Variants in KCTD5 observed in about 807,000 individuals in gnomAD.
The protein encoded by KCTD5 is BTB/POZ domain-containing protein KCTD5.
KCTD5 carries 12 observed loss-of-function variants against 27.9 expected under a neutral mutation model. The ratio of observed to expected loss-of-function variants is 0.43; its 90% CI spans 0.28 to 0.70. The LOEUF is 0.70. Among genes scored for constraint, KCTD5 ranks in the 30% least tolerant of loss-of-function variants. The probability of loss-of-function intolerance (pLI) is 0.19; values close to 1 mark genes in which losing one functional copy is unlikely to be tolerated. For missense variants in KCTD5, 226 were observed against 274.8 expected, an observed-to-expected ratio of 0.82 and a Z score of 1.26; for synonymous variants, 147 against 121.4, an observed-to-expected ratio of 1.21 and a Z score of -1.39.
In KCTD5 at chr16:2,690,065, G is replaced by C. The variant is rs1343984996; in HGVS notation, c.253-5870G>C. Among the ~76,000 whole-genome samples the C allele has an allele frequency of 3.3e-5, 5 of 152,256 alleles. No homozygotes were observed. The South Asian group carries it at 8.3e-4, about 25-fold the overall frequency. On this transcript the variant is annotated intron_variant, in intron 1 of 5. Transcript: ENST00000301738. ...CCCACGTTGCCCCCGGTGCTTTGCTGGGTGACAGCATGGATGGCGGAGAGC... is the reference window on the plus strand; with the variant it reads ...CCCACGTTGCCCCCGGTGCTTTGCTCGGTGACAGCATGGATGGCGGAGAGC...
At chr16:2,693,198 C>G (rs1454868299) in intron 1 of KCTD5, among the ~76,000 whole-genome samples, 1 of 152,252 alleles carries the variant, frequency 6.6e-6, no homozygotes, top group Non-Finnish European at 1.5e-5. Flanking sequence ...CTCCACCCAA[C>G]CATGCTGCTC....
chr16:2,691,778 T>A (rs1330291194), intron 1 of KCTD5, among the ~76,000 whole-genome samples: 1 of 152,172 alleles, frequency 6.6e-6, no homozygotes, highest in Non-Finnish European at 1.5e-5. Context: ...GCATCTGGAC[T>A]CCTGGAAGTC....
chr16:2,700,210 G>A (rs1447212599), intron 4 of KCTD5, among the ~76,000 whole-genome samples: 1 of 152,188 alleles, frequency 6.6e-6, no homozygotes, highest in Non-Finnish European at 1.5e-5. Context: ...TCTGTGTGAG[G>A]GAGGGGACTG....
intron 5 of KCTD5, among the ~76,000 whole-genome samples, chr16:2,706,928 C>T (rs2067639386): frequency 2.0e-5 from 3 of 150,240 alleles, no homozygotes; most frequent in African/African-American, 7.4e-5. Context: ...CATGGAGGAA[C>T]AGAGGGAGAG....
chr16:2,700,811 C>T (rs979120972), intron 4 of KCTD5, among the ~76,000 whole-genome samples: 1 of 151,978 alleles, frequency 6.6e-6, no homozygotes, highest in Non-Finnish European at 1.5e-5. Context: ...GAGCCCCCCC[C>T]CCCTTAAAAT....
chr16:2,707,723 G>A lies in KCTD5; in HGVS notation c.*396G>A, dbSNP rs944192507. Reference sequence around the variant, plus strand: ...TCACTGGCAGGAAGCGGCCGCAGCCGCGTCAGTGTCCAGCACGTCGTGGCC... The same window carrying A: ...TCACTGGCAGGAAGCGGCCGCAGCCACGTCAGTGTCCAGCACGTCGTGGCC... On this transcript the variant is annotated 3_prime_UTR_variant, in exon 6 of 6. Transcript: ENST00000301738. The A allele has an allele frequency of 5.7e-5, 28 of 489,784 alleles. No homozygotes were observed. Among genetic ancestry groups the A allele is most frequent in the East Asian group, 1.6e-4 (5 of 30,464 alleles). 30.3% of individuals were successfully genotyped at this position (489,784 alleles called of 1,614,324 possible).
chr16:2,688,866 A>C (rs2067554440), intron 1 of KCTD5, among the ~76,000 whole-genome samples: 1 of 11,806 alleles, frequency 8.5e-5, no homozygotes, highest in East Asian at 1.1e-3. Flanking sequence ...CCTGCTCCTG[A>C]GAGGGCTCCA....
At position 2,707,716 on chromosome 16, in the gene KCTD5, C is replaced by T. The variant is rs529627975; in HGVS notation, c.*389C>T. Reference sequence around the variant, plus strand: ...CTGGGCTTCACTGGCAGGAAGCGGCCGCAGCCGCGTCAGTGTCCAGCACGT... The same window carrying T: ...CTGGGCTTCACTGGCAGGAAGCGGCTGCAGCCGCGTCAGTGTCCAGCACGT... On this transcript the variant is annotated 3_prime_UTR_variant, in exon 6 of 6. Coordinates refer to ENST00000301738, the MANE Select transcript of KCTD5 (RefSeq NM_018992.4). 138 of 490,462 alleles carry T rather than the reference C, an allele frequency of 2.8e-4. 2 individuals are homozygous for T. The Middle Eastern group carries it at 3.2e-3, about 11-fold the overall frequency. The allele number at this position is 490,462 out of a possible 1,614,324, so 30.4% of individuals were successfully genotyped here.
chr16:2,707,936 C>T lies in KCTD5; in HGVS notation c.*609C>T, dbSNP rs74969856. The T allele has an allele frequency of 8.4e-3, 1,349 of 161,018 alleles. 22 individuals carry two copies. Among genetic ancestry groups the T allele is most frequent in the African/African-American group, 0.03 (1,250 of 41,822 alleles). 10.0% of individuals were successfully genotyped at this position (161,018 alleles called of 1,614,324 possible). On this transcript the variant is annotated 3_prime_UTR_variant, in exon 6 of 6. Coordinates refer to ENST00000301738, the MANE Select transcript of KCTD5 (RefSeq NM_018992.4). ...GGCTCCAACCCCACCTGACCAAGCCCGGGACAGTCAAGGCTTCTCAATTTG... is the reference window on the plus strand; with the variant it reads ...GGCTCCAACCCCACCTGACCAAGCCTGGGACAGTCAAGGCTTCTCAATTTG...
Position 2,697,856 on chromosome 16 carries a change from C to T in KCTD5, c.362-50C>T, listed in dbSNP as rs3094475. 614,369 of 1,335,814 alleles carry T rather than the reference C, an allele frequency of 0.46. 148,422 individuals are homozygous for T. The highest frequency in any genetic ancestry group is 0.53 in the Middle Eastern group (2,738 of 5,204). 82.7% of individuals were successfully genotyped at this position (1,335,814 alleles called of 1,614,324 possible). ...CAGGGGTGGGTGTAAAGCGTGGATT[C>T]TTTGGTTTAGTTTGGTCTGGTAAAG... On this transcript the variant is annotated intron_variant, in intron 2 of 5. Coordinates refer to ENST00000301738, the MANE Select transcript of KCTD5 (RefSeq NM_018992.4).
At chr16:2,692,966 CG>C (rs764320022) in intron 1 of KCTD5, among the ~76,000 whole-genome samples, 46 of 152,236 alleles carry the variant, frequency 3.0e-4, no homozygotes, top group Non-Finnish European at 6.0e-4. Flanking sequence ...CTCCGTGGAG[CG>C]GGAAGCCCGG....
Position 2,702,017 on chromosome 16 carries a change from C to T in KCTD5, c.550-336C>T, listed in dbSNP as rs192143305. On this transcript the variant is annotated intron_variant, in intron 4 of 5. Coordinates refer to ENST00000301738, the MANE Select transcript of KCTD5 (RefSeq NM_018992.4). Reference sequence around the variant, plus strand: ...GGTTTTCAGAGCCGCCCTCCACTCTCCTCCCGCTGCCCCCCTCCCTCCGCC... The same window carrying T: ...GGTTTTCAGAGCCGCCCTCCACTCTTCTCCCGCTGCCCCCCTCCCTCCGCC... 3.5e-3 allele frequency among the ~76,000 whole-genome samples: 535 copies of T among 152,308 alleles called. 4 individuals carry two copies. Among genetic ancestry groups the T allele is most frequent in the African/African-American group, 0.012 (512 of 41,566 alleles).
chr16:2,706,724 AGGAGGGGATCCCCGCAG>A lies in KCTD5; in HGVS notation c.676-573_676-557del, dbSNP rs559220319. On this transcript the variant is annotated intron_variant, in intron 5 of 5. Coordinates refer to ENST00000301738, the MANE Select transcript of KCTD5 (RefSeq NM_018992.4). ...CTGCAGGGCTGACGTGGTACAGATG[AGGAGGGGATCCCCGCAG>A]CGTGATCTGCACTTGGGGTAGGGCC... Among the ~76,000 whole-genome samples, 942 of 151,602 alleles carry A rather than the reference AGGAGGGGATCCCCGCAG, an allele frequency of 6.2e-3. 9 individuals carry two copies. The highest frequency in any genetic ancestry group is 0.021 in the African/African-American group (885 of 41,282).
intron 1 of KCTD5, among the ~76,000 whole-genome samples, chr16:2,690,306 G>T (rs1051940882): frequency 6.6e-6 from 1 of 152,214 alleles, no homozygotes; most frequent in African/African-American, 2.4e-5. Flanking sequence ...GGCCAGGGTC[G>T]CCCTCTCCTC....
At chr16:2,700,894 C>T (rs1276686724) in intron 4 of KCTD5, among the ~76,000 whole-genome samples, 1 of 151,808 alleles carries the variant, frequency 6.6e-6, no homozygotes, top group Non-Finnish European at 1.5e-5. Context: ...CTCTGGGTCT[C>T]TGTGCTGACA....
chr16:2,688,124 G>A (rs745539779), intron 1 of KCTD5, among the ~76,000 whole-genome samples: 108 of 151,444 alleles, frequency 7.1e-4, no homozygotes, highest in Non-Finnish European at 1.2e-3. Flanking sequence ...TGATGCCCCC[G>A]CCCCGTACCT....
At chr16:2,690,045 G>A (rs973760191) in intron 1 of KCTD5, among the ~76,000 whole-genome samples, 24 of 152,374 alleles carry the variant, frequency 1.6e-4, no homozygotes, top group Admixed American at 5.2e-4. Context: ...GAACCCCCAC[G>A]TTGCCCCCGG....
In KCTD5 at chr16:2,697,552, C is replaced by T. The variant is rs908324245; in HGVS notation, c.362-354C>T. 2.6e-5 allele frequency among the ~76,000 whole-genome samples: 4 copies of T among 151,702 alleles called. No homozygotes were observed. In the East Asian group the frequency reaches 5.8e-4, roughly 22 times the overall value. On this transcript the variant is annotated intron_variant, in intron 2 of 5. Coordinates refer to ENST00000301738, the MANE Select transcript of KCTD5 (RefSeq NM_018992.4). ...CTTGGAGGGAAAATGCCAGATCCAA[C>T]CCCCAGCATACCATGGCCTCGGCGT...
chr16:2,698,687 A>C (rs1406596664), intron 3 of KCTD5, among the ~76,000 whole-genome samples: 3 of 149,114 alleles, frequency 2.0e-5, no homozygotes, highest in Non-Finnish European at 4.4e-5. Flanking sequence ...GTCTCGGTCC[A>C]CGTAGAGCCC....
Sources: allele counts gnomAD v4.1 joint callset (sites outside exome capture counted in the v4.1 genomes callset), GRCh38; gene constraint gnomAD v4.1.1; transcripts MANE v1.5; gene names NCBI Gene and HGNC (gene_info 2026-07-23, HGNC 2026-07-21).